Variants in SPAG16 observed in about 807,000 individuals in gnomAD.
SPAG16 encodes the protein sperm-associated antigen 16 protein.
A neutral mutation model predicts 80.4 loss-of-function variants in SPAG16; 86 were observed. That is an observed-to-expected ratio of 1.07 (90% CI 0.90 to 1.28). The LOEUF is 1.28. Among genes scored for constraint, SPAG16 ranks in the 50% most tolerant of loss-of-function variants. SPAG16 has a pLI of 0.00. For missense variants in SPAG16, 870 were observed against 765.3 expected, an observed-to-expected ratio of 1.14 and a Z score of -1.61; for synonymous variants, 294 against 265.9, an observed-to-expected ratio of 1.11 and a Z score of -1.03.
intron 10 of SPAG16, among the ~76,000 whole-genome samples, chr2:213,496,927 C>T (rs1013425511): frequency 3.3e-5 from 5 of 151,358 alleles, no homozygotes; most frequent in Admixed American, 6.6e-5. Flanking sequence ...CCCATCAAAA[C>T]AAACAAACAA....
At chr2:213,842,097 A>G (rs1057051703) in intron 10 of SPAG16, among the ~76,000 whole-genome samples, 1 of 152,272 alleles carries the variant, frequency 6.6e-6, no homozygotes, top group Middle Eastern at 3.4e-3. Flanking sequence ...AACACTTCAT[A>G]TGATCAATGA....
At chr2:213,328,789 T>G (rs998171478) in intron 5 of SPAG16, among the ~76,000 whole-genome samples, 1 of 152,170 alleles carries the variant, frequency 6.6e-6, no homozygotes, top group Non-Finnish European at 1.5e-5. Context: ...GATGGAATAT[T>G]AAGGCCTAAG....
At chr2:214,185,459 G>C (rs1177762627) in intron 15 of SPAG16, among the ~76,000 whole-genome samples, 2 of 151,728 alleles carry the variant, frequency 1.3e-5, no homozygotes, top group Non-Finnish European at 2.9e-5. Flanking sequence ...AGATATACCT[G>C]TCTTAAATGT....
Position 213,792,168 on chromosome 2 carries a change from G to A in SPAG16, c.1071-70317G>A, listed in dbSNP as rs190941685. Among the ~76,000 whole-genome samples, 173 of 152,280 alleles carry A rather than the reference G, an allele frequency of 1.1e-3. 2 individuals carry two copies. Among genetic ancestry groups the A allele is most frequent in the Middle Eastern group, 3.4e-3 (1 of 294 alleles). On this transcript the variant is annotated intron_variant, in intron 10 of 15. Coordinates refer to ENST00000331683, the MANE Select transcript of SPAG16 (RefSeq NM_024532.5). ...GTTACAGAAAACAGAATTGAAGTAAGAACTACTTTGCAATGGCTCATAGTA... is the reference window on the plus strand; with the variant it reads ...GTTACAGAAAACAGAATTGAAGTAAAAACTACTTTGCAATGGCTCATAGTA...
chr2:213,869,145 C>CTA (rs2075828215), intron 11 of SPAG16, among the ~76,000 whole-genome samples: 1 of 149,952 alleles, frequency 6.7e-6, no homozygotes, highest in Non-Finnish European at 1.5e-5. Flanking sequence ...CCCAGCTACT[C>CTA]GGGAGGCTGA....
chr2:213,333,749 G>A (rs1389878021), intron 5 of SPAG16, among the ~76,000 whole-genome samples: 1 of 152,020 alleles, frequency 6.6e-6, no homozygotes, highest in African/African-American at 2.4e-5. Context: ...CATACACTGT[G>A]GAAAAGGCAG....
intron 12 of SPAG16, among the ~76,000 whole-genome samples, chr2:213,974,948 T>TA (rs569021815): frequency 0.085 from 9,893 of 116,242 alleles, 418 homozygotes; most frequent in South Asian, 0.12. Flanking sequence ...AAGATGTCGT[T>TA]AAAAAAAAAA....
At chr2:213,524,888 G>C (rs2075828738) in intron 10 of SPAG16, among the ~76,000 whole-genome samples, 1 of 152,170 alleles carries the variant, frequency 6.6e-6, no homozygotes. Context: ...TAAGACTTTT[G>C]GGGACTGTTG....
chr2:213,493,812 T>A (rs939631359), intron 10 of SPAG16, among the ~76,000 whole-genome samples: 1 of 152,158 alleles, frequency 6.6e-6, no homozygotes, highest in Non-Finnish European at 1.5e-5. Flanking sequence ...TTTTTTCTTA[T>A]CCGGAGAACT....
At chr2:213,847,821 C>G (rs1336142482) in intron 10 of SPAG16, among the ~76,000 whole-genome samples, 1 of 152,010 alleles carries the variant, frequency 6.6e-6, no homozygotes, top group Non-Finnish European at 1.5e-5. Flanking sequence ...GAGATTCTCT[C>G]TCCTTGATAA....
intron 15 of SPAG16, among the ~76,000 whole-genome samples, chr2:214,398,136 T>C (rs1434099506): frequency 1.3e-5 from 2 of 152,078 alleles, no homozygotes; most frequent in Non-Finnish European, 2.9e-5. Context: ...GTGGACAGAG[T>C]CTGCCTCAGT....
At chr2:214,120,458 C>G (rs2054162609) in intron 14 of SPAG16, among the ~76,000 whole-genome samples, 1 of 151,678 alleles carries the variant, frequency 6.6e-6, no homozygotes, top group Non-Finnish European at 1.5e-5. Context: ...TCTATAATTT[C>G]TATAAATTTT....
intron 13 of SPAG16, among the ~76,000 whole-genome samples, chr2:214,097,450 A>G (rs1266522675): frequency 6.6e-6 from 1 of 152,094 alleles, no homozygotes; most frequent in Non-Finnish European, 1.5e-5. Flanking sequence ...TGTGGACAAG[A>G]ACGCAACAGT....
At chr2:214,084,991 A>G (rs774533116) in intron 13 of SPAG16, among the ~76,000 whole-genome samples, 2 of 152,206 alleles carry the variant, frequency 1.3e-5, no homozygotes, top group Non-Finnish European at 2.9e-5. Flanking sequence ...CAAAGCAGAG[A>G]GCAATTCATG....
In SPAG16 at chr2:213,733,569, C is replaced by T. The variant is rs1182041079; in HGVS notation, c.1071-128916C>T. ...GTGGGGATTCTGAAAGTAAAGCAAA[C>T]AAAAATGTAAAGGCCTCCCCAAGAC... On this transcript the variant is annotated intron_variant, in intron 10 of 15. Transcript: ENST00000331683. Among the ~76,000 whole-genome samples the T allele has an allele frequency of 2.9e-5, 4 of 137,200 alleles. No individual in the cohort carries two copies. The East Asian group carries it at 8.6e-4, about 30-fold the overall frequency. The allele number at this position is 137,200 out of a possible 152,430, so 90.0% of individuals were successfully genotyped here. A position where few individuals can be genotyped will look rare whatever the true frequency, so the allele number is the denominator to read the frequency against.
In SPAG16 at chr2:213,490,087, G is replaced by A. The variant is rs61752199; in HGVS notation, c.1067G>A (p.Ser356Asn). The A allele has an allele frequency of 0.017, 26,388 of 1,573,270 alleles. 335 individuals are homozygous for A. Among genetic ancestry groups the A allele is most frequent in the South Asian group, 0.041 (3,459 of 83,396 alleles). ...TTTAGACTCCATGAACTTCCAGTGA[G>A]CTGGTAGGATTTTTGATGTTTTATT... ...NIFRLHELPV[S>N]CVSMQPHKDI... Residue 356 changes from serine to asparagine, a missense_variant, in exon 10 of 16, where the codon AGC becomes AAC. Ser to Asn is a conservative substitution (Grantham distance 46). Transcript: ENST00000331683.
At chr2:213,740,605 G>A (rs1047438236) in intron 10 of SPAG16, among the ~76,000 whole-genome samples, 1 of 152,162 alleles carries the variant, frequency 6.6e-6, no homozygotes, top group Admixed American at 6.5e-5. Flanking sequence ...GGGAAGTCCC[G>A]TATCAGCAAG....
chr2:214,007,368 G>A (rs570111202), intron 12 of SPAG16, among the ~76,000 whole-genome samples: 11 of 151,730 alleles, frequency 7.2e-5, no homozygotes, highest in African/African-American at 2.7e-4. Flanking sequence ...GGCCAAAGCT[G>A]GAAGATTTCT....
chr2:213,708,622 A>G (rs1294686411), intron 10 of SPAG16, among the ~76,000 whole-genome samples: 1 of 152,150 alleles, frequency 6.6e-6, no homozygotes, highest in Non-Finnish European at 1.5e-5. Context: ...TGAAACCCCT[A>G]CTAAAAATAG....
Sources: gnomAD v4.1 joint callset for allele counts (sites outside exome capture counted in the v4.1 genomes callset) on GRCh38, gnomAD v4.1.1 for gene constraint, MANE v1.5 for transcripts, NCBI Gene and HGNC (gene_info 2026-07-23, HGNC 2026-07-21) for gene names.